The following CDC14A variants were observed in gnomAD, a reference collection of about 807,000 sequenced individuals.
CDC14A encodes dual specificity protein phosphatase CDC14A.
In CDC14A, 53 loss-of-function variants were observed where a neutral mutation model predicts 74.4. The ratio of observed to expected loss-of-function variants is 0.71; its 90% confidence interval spans 0.57 to 0.89. The LOEUF is 0.89. Among genes scored for constraint, CDC14A ranks in the 40% least tolerant of loss-of-function variants. The pLI, the probability that CDC14A is intolerant of heterozygous loss-of-function variation, is 0.00. For synonymous variants in CDC14A, 247 were observed against 258.4 expected, an observed-to-expected ratio of 0.96 and a Z score of 0.43; for missense variants, 646 against 713.7, an observed-to-expected ratio of 0.91 and a Z score of 1.08.
At chr1:100,502,443 A>G (rs547855523) in intron 15 of CDC14A, among the ~76,000 whole-genome samples, 1 of 152,354 alleles carries the variant, frequency 6.6e-6, no homozygotes, top group Admixed American at 6.5e-5. Flanking sequence ...GCAGCCTAGA[A>G]GCAATAGGTT....
intron 8 of CDC14A, among the ~76,000 whole-genome samples, chr1:100,462,153 A>G (rs1483631663): frequency 1.3e-5 from 2 of 152,234 alleles, no homozygotes; most frequent in Non-Finnish European, 2.9e-5. Context: ...ATTTGAAATG[A>G]TACGCAATTG....
At chr1:100,494,791 T>C (rs1557826107) in intron 11 of CDC14A, 27 bp from the exon 12 acceptor site, 2 of 1,392,644 alleles carry the variant, frequency 1.4e-6, no homozygotes, top group Non-Finnish European at 2.0e-6. Flanking sequence ...ATTTTGACCT[T>C]TCTATGGAAC....
chr1:100,466,904 G>A (rs1419064907), intron 9 of CDC14A, among the ~76,000 whole-genome samples: 3 of 150,106 alleles, frequency 2.0e-5, no homozygotes, highest in Non-Finnish European at 4.4e-5. Flanking sequence ...GGGTTAATGG[G>A]AAGGAAATGT....
At chr1:100,469,669 T>G (rs1018387123) in intron 10 of CDC14A, among the ~76,000 whole-genome samples, 2 of 152,188 alleles carry the variant, frequency 1.3e-5, no homozygotes, top group Non-Finnish European at 2.9e-5. Context: ...AATTATTGCT[T>G]GTCATTTAAT....
intron 5 of CDC14A, among the ~76,000 whole-genome samples, chr1:100,432,164 G>T (rs1440363803): frequency 6.6e-6 from 1 of 152,136 alleles, no homozygotes; most frequent in African/African-American, 2.4e-5. Context: ...GAGGCATGTG[G>T]TTTTGCTCTT....
chr1:100,491,572 A>ATTT (rs59429516), intron 11 of CDC14A, among the ~76,000 whole-genome samples: 266 of 25,110 alleles, frequency 0.011, 40 homozygotes, highest in African/African-American at 0.033. Flanking sequence ...ATATATATAT[A>ATTT]TTTTTTTTTT....
At chr1:100,475,415 C>G (rs1350747954) in intron 10 of CDC14A, among the ~76,000 whole-genome samples, 2 of 152,200 alleles carry the variant, frequency 1.3e-5, no homozygotes, top group Non-Finnish European at 2.9e-5. Flanking sequence ...GCGATCATCT[C>G]TTTTCATTCA....
At chr1:100,436,400 G>T (rs1045363345) in intron 5 of CDC14A, among the ~76,000 whole-genome samples, 8 of 151,868 alleles carry the variant, frequency 5.3e-5, no homozygotes, top group African/African-American at 1.9e-4. Context: ...GACTTACCTG[G>T]TATTAATTGT....
At chr1:100,412,733 A>ATATATATATAAAATATATATG (rs1557732433) in intron 4 of CDC14A, among the ~76,000 whole-genome samples, 2 of 110,156 alleles carry the variant, frequency 1.8e-5, no homozygotes, top group African/African-American at 9.6e-5. Flanking sequence ...TTTTATATAT[A>ATATATATATAAAATATATATG]TATATTTTAT....
intron 2 of CDC14A, among the ~76,000 whole-genome samples, chr1:100,363,545 T>C (rs1360321374): frequency 1.3e-5 from 2 of 152,194 alleles, no homozygotes; most frequent in Non-Finnish European, 2.9e-5. Flanking sequence ...TATTGTTAAT[T>C]TAATTTTTTG....
intron 4 of CDC14A, among the ~76,000 whole-genome samples, chr1:100,405,038 A>G (rs1263147895): frequency 6.6e-6 from 1 of 152,200 alleles, no homozygotes; most frequent in East Asian, 1.9e-4. Flanking sequence ...TGTAGGATGA[A>G]TCAGACAATT....
At chr1:100,364,543 A>C (rs896864033) in intron 2 of CDC14A, among the ~76,000 whole-genome samples, 2 of 151,886 alleles carry the variant, frequency 1.3e-5, no homozygotes, top group Non-Finnish European at 2.9e-5. Context: ...TAGAGTAATT[A>C]TTTTCCTTTT....
chr1:100,454,726 G>A (rs1054099060), intron 7 of CDC14A, among the ~76,000 whole-genome samples: 2 of 152,160 alleles, frequency 1.3e-5, no homozygotes, highest in Admixed American at 1.3e-4. Context: ...GTTTTCACAT[G>A]AAAATTCAGT....
At chr1:100,467,717 GA>G (rs1398838508) in intron 9 of CDC14A, among the ~76,000 whole-genome samples, 1 of 152,104 alleles carries the variant, frequency 6.6e-6, no homozygotes, top group Non-Finnish European at 1.5e-5. Flanking sequence ...GCTGCTGCCA[GA>G]CCCATTTGCT....
chr1:100,427,293 G>C (rs1663073120), intron 5 of CDC14A, among the ~76,000 whole-genome samples: 1 of 152,132 alleles, frequency 6.6e-6, no homozygotes. Context: ...TTTTAAAAAT[G>C]AAGATGATTT....
At chr1:100,414,022 GT>G (rs1486610942) in intron 4 of CDC14A, among the ~76,000 whole-genome samples, 1 of 152,040 alleles carries the variant, frequency 6.6e-6, no homozygotes, top group Non-Finnish European at 1.5e-5. Context: ...AATTATTTTA[GT>G]TTTAATTTTG....
intron 15 of CDC14A, among the ~76,000 whole-genome samples, chr1:100,514,749 G>A (rs145417608): frequency 6.6e-6 from 1 of 152,302 alleles, no homozygotes; most frequent in Non-Finnish European, 1.5e-5. Context: ...ACTGTCCTTA[G>A]CATATAGGAA....
intron 11 of CDC14A, among the ~76,000 whole-genome samples, chr1:100,489,946 A>G (rs1670451993): frequency 6.6e-6 from 1 of 152,190 alleles, no homozygotes; most frequent in African/African-American, 2.4e-5. Context: ...GGCAGAATGG[A>G]GGCCCAGGTT....
intron 2 of CDC14A, among the ~76,000 whole-genome samples, chr1:100,354,267 C>T (rs1651571646): frequency 6.6e-6 from 1 of 152,202 alleles, no homozygotes; most frequent in Non-Finnish European, 1.5e-5. Context: ...TACAAGACTT[C>T]TGTTCTATCT....
Sources: gnomAD v4.1 joint callset for allele counts (sites outside exome capture counted in the v4.1 genomes callset) on GRCh38, gnomAD v4.1.1 for gene constraint, MANE v1.5 for transcripts, NCBI Gene and HGNC (gene_info 2026-07-23, HGNC 2026-07-21) for gene names.